Variants in ITPR2 observed in about 807,000 individuals in gnomAD.
ITPR2 encodes inositol 1,4,5-trisphosphate-gated calcium channel ITPR2.
Under a neutral mutation model 317.1 loss-of-function variants are expected in ITPR2, and 207 were observed. The observed-to-expected ratio is 0.65, with a 90% confidence interval of 0.58 to 0.73. ITPR2 has a LOEUF of 0.73. ITPR2 is among the 30% of genes least tolerant of loss of function. The pLI, the probability that ITPR2 is intolerant of heterozygous loss-of-function variation, is 0.00. For missense variants in ITPR2, 2,613 were observed against 3,284.0 expected (o/e 0.80, Z 4.99); for synonymous variants, 1,156 against 1,149.1 (o/e 1.01, Z -0.12).
intron 24 of ITPR2, 43 bp from the exon 25 acceptor site, chr12:26,622,448 A>ACGGCG: frequency 6.9e-7 from 1 of 1,447,134 alleles, no homozygotes. Context: ...CTATTTATAT[A>ACGGCG]ACATCTACAC....
chr12:26,635,509 T>G (rs774177529), intron 21 of ITPR2, among the ~76,000 whole-genome samples: 5 of 152,240 alleles, frequency 3.3e-5, no homozygotes, highest in Non-Finnish European at 7.3e-5. Context: ...TTGTGAATAA[T>G]TGTTCACAGT....
intron 48 of ITPR2, among the ~76,000 whole-genome samples, chr12:26,433,844 A>G (rs1429630186): frequency 1.3e-5 from 2 of 152,182 alleles, no homozygotes; most frequent in African/African-American, 2.4e-5. Flanking sequence ...AAGAAGCAGC[A>G]TGTTCTGTAC....
chr12:26,611,147 A>G (rs1347597270), intron 26 of ITPR2, among the ~76,000 whole-genome samples: 3 of 152,182 alleles, frequency 2.0e-5, no homozygotes, highest in Non-Finnish European at 2.9e-5. Flanking sequence ...GCCCATAGAA[A>G]TTGGACTGTC....
intron 13 of ITPR2, among the ~76,000 whole-genome samples, chr12:26,667,871 C>T (rs74072308): frequency 0.011 from 1,719 of 151,868 alleles, 30 homozygotes; most frequent in African/African-American, 0.039. Flanking sequence ...AAATTGGTGA[C>T]GGTTAATGGA....
chr12:26,700,449 G>A (rs1318528351), intron 9 of ITPR2, among the ~76,000 whole-genome samples: 1 of 152,194 alleles, frequency 6.6e-6, no homozygotes, highest in East Asian at 1.9e-4. Context: ...TATACTATAA[G>A]ACAAGATTCT....
At chr12:26,713,830 T>C (rs112566555) in intron 8 of ITPR2, among the ~76,000 whole-genome samples, 2,730 of 152,324 alleles carry the variant, frequency 0.018, 74 homozygotes, top group African/African-American at 0.063. Flanking sequence ...GGTGTGAAAA[T>C]GCATGCTTTA....
At chr12:26,505,778 G>GA (rs1368700287) in intron 37 of ITPR2, among the ~76,000 whole-genome samples, 17 of 152,036 alleles carry the variant, frequency 1.1e-4, no homozygotes, top group African/African-American at 3.9e-4. Flanking sequence ...ATTTTTGACT[G>GA]AATGTATGAA....
At chr12:26,554,183 C>T (rs905280890) in intron 36 of ITPR2, among the ~76,000 whole-genome samples, 1 of 152,188 alleles carries the variant, frequency 6.6e-6, no homozygotes, top group Admixed American at 6.5e-5. Context: ...AAGTTCTAGA[C>T]CAGTGCTGTC....
At chr12:26,695,543 T>C (rs1363197719) in intron 10 of ITPR2, 63 bp downstream of exon 10, 3 of 1,365,896 alleles carry the variant, frequency 2.2e-6, no homozygotes, top group Admixed American at 3.4e-5. Context: ...AAAATTCCAA[T>C]CTATCCATAT....
intron 44 of ITPR2, among the ~76,000 whole-genome samples, chr12:26,476,476 TG>T (rs1240860208): frequency 2.6e-5 from 4 of 152,250 alleles, no homozygotes; most frequent in Admixed American, 6.5e-5. Context: ...GGCCAAGCAT[TG>T]TACAACATAT....
Position 26,728,429 on chromosome 12 carries a change from G to A in ITPR2, c.164-2664C>T, listed in dbSNP as rs375040806. 1.2e-4 allele frequency among the ~76,000 whole-genome samples: 19 copies of A among 152,308 alleles called. No individual in the cohort carries two copies. The East Asian group carries it at 2.3e-3, about 19-fold the overall frequency. On this transcript the variant is annotated intron_variant, in intron 2 of 56. Transcript: ENST00000381340. ...TCCATTTCAGGGCCTTAGTTTTACA[G>A]TCCCTTTCAGCAGCCTCCCACAGGG...
At chr12:26,422,260 A>T (rs1249334289) in intron 49 of ITPR2, among the ~76,000 whole-genome samples, 1 of 150,518 alleles carries the variant, frequency 6.6e-6, no homozygotes, top group Non-Finnish European at 1.5e-5. Flanking sequence ...TAATTATTTA[A>T]CCAATAATTA....
intron 2 of ITPR2, among the ~76,000 whole-genome samples, chr12:26,739,245 G>A (rs1949187748): frequency 6.6e-6 from 1 of 152,162 alleles, no homozygotes; most frequent in East Asian, 1.9e-4. Context: ...GAACATTTTG[G>A]TAGTTTCTTG....
rs1339593001 is a variant in ITPR2, at chr12:26,398,233, G to A, written c.7696+643C>T. On this transcript the variant is annotated intron_variant, in intron 54 of 56. Transcript: ENST00000381340. ...AGGTCAGGAGTTCGAGACCAGCCTG[G>A]CCAACATGGCAAAACCCCGGCTCTA... Among the ~76,000 whole-genome samples the A allele has an allele frequency of 5.3e-5, 8 of 152,142 alleles. No homozygotes were observed. The East Asian group carries it at 1.5e-3, about 29-fold the overall frequency.
chr12:26,735,603 A>G (rs374456090), intron 2 of ITPR2, among the ~76,000 whole-genome samples: 9 of 152,272 alleles, frequency 5.9e-5, no homozygotes, highest in East Asian at 3.8e-4. Context: ...GCATGTGCAC[A>G]CACACATATG....
chr12:26,551,683 T>C (rs962603739), intron 36 of ITPR2, among the ~76,000 whole-genome samples: 11 of 152,140 alleles, frequency 7.2e-5, no homozygotes, highest in Non-Finnish European at 1.6e-4. Flanking sequence ...AGTGAAGAGA[T>C]AGCATGCTAC....
At chr12:26,719,903 A>G (rs1407473369) in intron 5 of ITPR2, among the ~76,000 whole-genome samples, 1 of 152,200 alleles carries the variant, frequency 6.6e-6, no homozygotes, top group African/African-American at 2.4e-5. Flanking sequence ...AAAATCTACC[A>G]TAAAAGTAAA....
At chr12:26,695,117 C>A (rs1435584351) in intron 10 of ITPR2, among the ~76,000 whole-genome samples, 1 of 152,076 alleles carries the variant, frequency 6.6e-6, no homozygotes, top group Non-Finnish European at 1.5e-5. Context: ...AATTGCTAAA[C>A]TCCTAAGAAA....
rs1457226806 is a variant in ITPR2 at position 26,621,095 on chromosome 12, G to A, written c.3462+28C>T. ...TCTGACTTAAAAGACATCATTGGGA[G>A]TATTTCGAAATAGATCTTGAAACGA... On this transcript the variant is annotated intron_variant, in intron 26 of 56. Transcript: ENST00000381340. The A allele has an allele frequency of 2.5e-6, 4 of 1,583,132 alleles. No homozygotes were observed. In the Admixed American group the frequency reaches 5.1e-5, roughly 20 times the overall value.
Sources: allele counts gnomAD v4.1 joint callset (sites outside exome capture counted in the v4.1 genomes callset), GRCh38; gene constraint gnomAD v4.1.1; transcripts MANE v1.5; gene names NCBI Gene and HGNC (gene_info 2026-07-23, HGNC 2026-07-21).